GABRA5: variants seen among roughly 807,000 people sequenced by gnomAD.
GABRA5 encodes the protein gamma-aminobutyric acid type A receptor subunit alpha5, also known as gamma-aminobutyric acid receptor subunit alpha-5.
GABRA5 carries 18 observed loss-of-function variants against 47.3 expected under a neutral mutation model. The observed-to-expected ratio is 0.38, with a 90% CI of 0.26 to 0.56. GABRA5 has a LOEUF of 0.56. Ranked by LOEUF, GABRA5 falls within the 20% of genes least tolerant of loss-of-function variation. The pLI, the probability that GABRA5 is intolerant of heterozygous loss-of-function variation, is 0.71. For missense variants in GABRA5, 365 were observed against 599.3 expected (o/e 0.61, Z 4.08); for synonymous variants, 237 against 229.3 (o/e 1.03, Z -0.30).
intron 8 of GABRA5, among the ~76,000 whole-genome samples, chr15:26,938,647 T>G (rs1479761288): frequency 6.6e-6 from 1 of 152,240 alleles, no homozygotes; most frequent in Non-Finnish European, 1.5e-5. Context: ...GATCCAGTCC[T>G]TGCTACCAAC....
chr15:26,869,133 G>GT (rs1317329300), intron 2 of GABRA5, 42 bp from the exon 3 acceptor site: 2 of 716,206 alleles, frequency 2.8e-6, no homozygotes, highest in Non-Finnish European at 5.2e-6. Flanking sequence ...TGACACAACA[G>GT]CATTGATGTT....
At chr15:26,942,819 G>A (rs183946481) in intron 9 of GABRA5, among the ~76,000 whole-genome samples, 27 of 152,294 alleles carry the variant, frequency 1.8e-4, no homozygotes, top group Non-Finnish European at 3.1e-4. Context: ...GGCGCAGGCT[G>A]GGATTAAAAT....
intron 10 of GABRA5, among the ~76,000 whole-genome samples, chr15:26,946,064 G>A (rs892728252): frequency 1.3e-5 from 2 of 152,282 alleles, no homozygotes; most frequent in African/African-American, 2.4e-5. Context: ...GCTCCCGCAC[G>A]GTTTCCCCAG....
chr15:26,913,582 T>C (rs1257419943), intron 6 of GABRA5, among the ~76,000 whole-genome samples: 3 of 152,190 alleles, frequency 2.0e-5, no homozygotes, highest in African/African-American at 7.2e-5. Context: ...TACTGTAACC[T>C]TGAATTATTA....
intron 6 of GABRA5, among the ~76,000 whole-genome samples, chr15:26,887,250 AT>A (rs1412972491): frequency 1.3e-5 from 2 of 152,062 alleles, no homozygotes; most frequent in Non-Finnish European, 2.9e-5. Flanking sequence ...TGTATCTTTA[AT>A]TTTTTTTCAG....
Position 26,880,855 on chromosome 15 carries a change from G to A in GABRA5, c.96G>A (p.Gln32=), listed in dbSNP as rs1201271314. 1 of 1,613,592 alleles carries A rather than the reference G, an allele frequency of 6.2e-7. No homozygotes were observed. The highest frequency in any genetic ancestry group is 1.1e-5 in the South Asian group (1 of 90,994). Reference sequence around the variant, plus strand: ...TTTCTCTTTTTAAAAGCTTTTCACAGATGCCAACCAGTTCAGTGAAAGATG... The same window carrying A: ...TTTCTCTTTTTAAAAGCTTTTCACAAATGCCAACCAGTTCAGTGAAAGATG... The part of the protein sequence containing the change: ...MNLSSHFGFS[Q]MPTSSVKDET... The change falls in exon 4 of 11, where the codon CAG becomes CAA. Residue 32 remains glutamine, a synonymous_variant. Transcript: ENST00000335625.
intron 7 of GABRA5, among the ~76,000 whole-genome samples, chr15:26,924,625 CCAT>C (rs1893916484): frequency 6.6e-6 from 1 of 152,156 alleles, no homozygotes; most frequent in Non-Finnish European, 1.5e-5. Context: ...TGGTGTCACT[CCAT>C]CAGTGGGTTG....
chr15:26,945,185 C>A (rs993606847), intron 10 of GABRA5, among the ~76,000 whole-genome samples: 3 of 152,216 alleles, frequency 2.0e-5, no homozygotes, highest in African/African-American at 7.2e-5. Flanking sequence ...GGGGTTCCAC[C>A]CCTGCTGCCA....
At chr15:26,887,587 C>T (rs904861315) in intron 6 of GABRA5, among the ~76,000 whole-genome samples, 11 of 152,090 alleles carry the variant, frequency 7.2e-5, no homozygotes, top group African/African-American at 2.2e-4. Context: ...CCACCCACCT[C>T]GGCCTCCACC....
At chr15:26,928,881 G>A (rs1052893174) in intron 7 of GABRA5, among the ~76,000 whole-genome samples, 3 of 152,090 alleles carry the variant, frequency 2.0e-5, no homozygotes, top group South Asian at 4.1e-4. Context: ...GCCCTCACAC[G>A]ATGGAAGGGG....
intron 3 of GABRA5, among the ~76,000 whole-genome samples, chr15:26,879,271 T>A (rs889435649): frequency 1.3e-5 from 2 of 152,160 alleles, no homozygotes; most frequent in African/African-American, 4.8e-5. Flanking sequence ...TGAAGCCAGA[T>A]CTGGTTTGAC....
chr15:26,881,958 C>T (rs1431294994), intron 4 of GABRA5, among the ~76,000 whole-genome samples: 1 of 152,196 alleles, frequency 6.6e-6, no homozygotes, highest in East Asian at 1.9e-4. Flanking sequence ...CCTCGGCCTC[C>T]CAAAGTGCTG....
chr15:26,940,434 A>AT (rs1268324852), intron 9 of GABRA5, among the ~76,000 whole-genome samples: 13 of 152,014 alleles, frequency 8.6e-5, no homozygotes, highest in Admixed American at 3.3e-4. Flanking sequence ...CAGATATCAG[A>AT]TTTTTTTTAA....
chr15:26,924,922 C>G (rs368775805), intron 7 of GABRA5, among the ~76,000 whole-genome samples: 3 of 152,242 alleles, frequency 2.0e-5, no homozygotes, highest in African/African-American at 7.2e-5. Context: ...CACCACTAGG[C>G]CATCCCTTCG....
chr15:26,929,666 G>T (rs1009492868), intron 7 of GABRA5, among the ~76,000 whole-genome samples: 2 of 152,182 alleles, frequency 1.3e-5, no homozygotes, highest in Non-Finnish European at 2.9e-5. Flanking sequence ...CCACACCAGG[G>T]CCCCCCAGAA....
At chr15:26,924,241 G>T (rs907050991) in intron 7 of GABRA5, among the ~76,000 whole-genome samples, 1 of 149,120 alleles carries the variant, frequency 6.7e-6, no homozygotes, top group East Asian at 2.0e-4. Flanking sequence ...TAGAAATCAG[G>T]TTCCAGCTTA....
At chr15:26,920,773 A>G (rs1035263745) in intron 7 of GABRA5, among the ~76,000 whole-genome samples, 1 of 152,142 alleles carries the variant, frequency 6.6e-6, no homozygotes, top group African/African-American at 2.4e-5. Flanking sequence ...GACCTCTCCA[A>G]CCTTGGTGCT....
intron 6 of GABRA5, among the ~76,000 whole-genome samples, chr15:26,909,505 CA>C (rs1172570607): frequency 1.3e-5 from 2 of 152,112 alleles, no homozygotes; most frequent in African/African-American, 2.4e-5. Flanking sequence ...CTTGTAATTC[CA>C]AAAGGGTCCC....
chr15:26,876,395 G>A (rs574070398), intron 3 of GABRA5, among the ~76,000 whole-genome samples: 2 of 152,300 alleles, frequency 1.3e-5, no homozygotes, highest in South Asian at 4.2e-4. Flanking sequence ...CCTGGGGCAT[G>A]CTTGTGTTCT....
Sources: gnomAD v4.1 joint callset for allele counts (sites outside exome capture counted in the v4.1 genomes callset) on GRCh38, gnomAD v4.1.1 for gene constraint, MANE v1.5 for transcripts, NCBI Gene and HGNC (gene_info 2026-07-23, HGNC 2026-07-21) for gene names.